The following SH2D1A variants were observed in gnomAD, a reference collection of about 807,000 sequenced individuals.
SH2D1A encodes the protein SH2 domain-containing protein 1A.
A neutral mutation model predicts 10.1 loss-of-function variants in SH2D1A; 6 were observed. The ratio of observed to expected loss-of-function variants is 0.60; its 90% CI spans 0.33 to 1.18. The LOEUF (loss-of-function observed/expected upper bound fraction) is 1.18. SH2D1A is among the 50% of genes most tolerant of loss of function. The pLI, the probability that SH2D1A is intolerant of heterozygous loss-of-function variation, is 0.04. For missense variants in SH2D1A, 51 were observed against 97.6 expected, an observed-to-expected ratio of 0.52 and a Z score of 2.01; for synonymous variants, 42 against 36.9, an observed-to-expected ratio of 1.14 and a Z score of -0.51.
intron 1 of SH2D1A, among the ~76,000 whole-genome samples, chrX:124,347,786 ATAT>A (rs1203076713): frequency 1.8e-5 from 2 of 111,429 alleles, no homozygotes; most frequent in African/African-American, 3.3e-5. Context: ...TACCAAAGAT[ATAT>A]TATTATTTTA....
At chrX:124,368,295 C>T (rs1441159314) in intron 2 of SH2D1A, among the ~76,000 whole-genome samples, 1 of 110,676 alleles carries the variant, frequency 9.0e-6, no homozygotes, top group Non-Finnish European at 1.9e-5. Context: ...GGATTGCCAC[C>T]ACACCTGGCT....
At chrX:124,367,063 T>C (rs1242894163) in intron 2 of SH2D1A, among the ~76,000 whole-genome samples, 1 of 111,310 alleles carries the variant, frequency 9.0e-6, no homozygotes, top group East Asian at 2.8e-4. Context: ...GCATTTTGAG[T>C]ATAACATCAT....
intron 1 of SH2D1A, among the ~76,000 whole-genome samples, chrX:124,350,246 TAATATATAATATATA>T: frequency 9.9e-5 from 1 of 10,138 alleles, no homozygotes; most frequent in African/African-American, 3.3e-3. Context: ...TAATATTATA[TAATATATAATATATA>T]AATATATATT....
At chrX:124,361,683 A>C (rs1366506604) in intron 1 of SH2D1A, among the ~76,000 whole-genome samples, 1 of 112,116 alleles carries the variant, frequency 8.9e-6, no homozygotes, top group African/African-American at 3.2e-5. Flanking sequence ...TATAAATGGT[A>C]AAGAACTTGA....
At position 124,350,371 on chromosome X, in the gene SH2D1A, A is replaced by C. The variant is rs1449457194; in HGVS notation, c.137+3592A>C. 1.2e-3 allele frequency among the ~76,000 whole-genome samples: 33 copies of C among 26,998 alleles called. 1 individual carries two copies. Among genetic ancestry groups the C allele is most frequent in the African/African-American group, 4.8e-3 (29 of 6,051 alleles). 23.4% of individuals were successfully genotyped at this position (26,998 alleles called of 115,157 possible). On this transcript the variant is annotated intron_variant, in intron 1 of 3. Coordinates refer to ENST00000371139, the MANE Select transcript of SH2D1A (RefSeq NM_002351.5). Reference sequence around the variant, plus strand: ...TATATATTATATATAATATTATATAATATATAATATATAAATATATATTAT... The same window carrying C: ...TATATATTATATATAATATTATATACTATATAATATATAAATATATATTAT...
rs2060056597 is a variant in SH2D1A, at chrX:124,366,877, ACACACAC to A, written c.201+1054_201+1060del. Reference sequence around the variant, plus strand: ...AGTTATGTGTAAAATATACTGACAAACACACACACACACACACACACACACACACACA... The same window carrying A: ...AGTTATGTGTAAAATATACTGACAAAACACACACACACACACACACACACA... On this transcript the variant is annotated intron_variant, in intron 2 of 3. Transcript: ENST00000371139. Among the ~76,000 whole-genome samples the A allele has an allele frequency of 4.4e-3, 101 of 22,885 alleles. 1 individual carries two copies. Among genetic ancestry groups the A allele is most frequent in the African/African-American group, 0.037 (97 of 2,643 alleles). The allele number at this position is 22,885 out of a possible 115,157, so 19.9% of individuals were successfully genotyped here.
chrX:124,371,881 G>C lies in SH2D1A; in HGVS notation c.*490G>C. 1 of 159,727 alleles carries C rather than the reference G, an allele frequency of 6.3e-6. No individual in the cohort carries two copies. 13.2% of individuals were successfully genotyped at this position (159,727 alleles called of 1,213,427 possible). Reference sequence around the variant, plus strand: ...TTTGGGATTTTTGAAGCTGTATACTGTGTGCTAAAACAAGCACTAAACAAA... The same window carrying C: ...TTTGGGATTTTTGAAGCTGTATACTCTGTGCTAAAACAAGCACTAAACAAA... On this transcript the variant is annotated 3_prime_UTR_variant, in exon 4 of 4. Transcript: ENST00000371139.
At chrX:124,359,180 C>T (rs1030993186) in intron 1 of SH2D1A, among the ~76,000 whole-genome samples, 4 of 111,279 alleles carry the variant, frequency 3.6e-5, no homozygotes, top group African/African-American at 9.8e-5. Flanking sequence ...GAAGGAGGTA[C>T]GAAGTTTTGA....
At chrX:124,348,609 C>T (rs763488613) in intron 1 of SH2D1A, among the ~76,000 whole-genome samples, 1 of 111,620 alleles carries the variant, frequency 9.0e-6, no homozygotes, top group Admixed American at 9.5e-5. Context: ...AACAAGTGCC[C>T]TCTCCCTGTC....
At chrX:124,349,110 G>T (rs1433289252) in intron 1 of SH2D1A, among the ~76,000 whole-genome samples, 1 of 112,237 alleles carries the variant, frequency 8.9e-6, no homozygotes, top group Non-Finnish European at 1.9e-5. Flanking sequence ...TTGCATAAAT[G>T]CAGTTTTTAT....
chrX:124,356,969 ATACT>A (rs1309223458), intron 1 of SH2D1A, among the ~76,000 whole-genome samples: 3 of 112,227 alleles, frequency 2.7e-5, no homozygotes, highest in African/African-American at 6.5e-5. Flanking sequence ...ATTACCTCAC[ATACT>A]TACATTTTGT....
At chrX:124,368,691 A>G (rs768507064) in intron 2 of SH2D1A, among the ~76,000 whole-genome samples, 15 of 112,271 alleles carry the variant, frequency 1.3e-4, no homozygotes, top group Admixed American at 9.4e-5. Flanking sequence ...ATATTTTCTT[A>G]TCTGTCAAAT....
At chrX:124,370,365 TTATGAG>T in intron 3 of SH2D1A, 45 bp downstream of exon 3, 2 of 1,057,250 alleles carry the variant, frequency 1.9e-6, no homozygotes, top group Non-Finnish European at 2.6e-6. Context: ...AAGCTCAGAG[TTATGAG>T]TCAACCTGTT....
In SH2D1A at chrX:124,369,012, C is replaced by T. The variant is rs565740671; in HGVS notation, c.202-1164C>T. 1.4e-4 allele frequency among the ~76,000 whole-genome samples: 15 copies of T among 110,714 alleles called. No homozygotes were observed. The South Asian group carries it at 5.8e-3, about 43-fold the overall frequency. On this transcript the variant is annotated intron_variant, in intron 2 of 3. Transcript: ENST00000371139. ...TCTACTGTGAACATATGGGGGAACACTAATATAGAGCTAAAAAGAATTTTT... is the reference window on the plus strand; with the variant it reads ...TCTACTGTGAACATATGGGGGAACATTAATATAGAGCTAAAAAGAATTTTT...
At chrX:124,364,067 A>G (rs774671105) in intron 1 of SH2D1A, among the ~76,000 whole-genome samples, 5 of 110,325 alleles carry the variant, frequency 4.5e-5, no homozygotes, top group Non-Finnish European at 7.6e-5. Flanking sequence ...TCCTACTTAT[A>G]TAAAAAAAAG....
intron 1 of SH2D1A, among the ~76,000 whole-genome samples, chrX:124,353,998 T>C (rs1184220024): frequency 8.9e-6 from 1 of 112,368 alleles, no homozygotes; most frequent in Non-Finnish European, 1.9e-5. Flanking sequence ...CTTGAAATTA[T>C]AACTTAACTT....
At chrX:124,357,144 G>A (rs1420796491) in intron 1 of SH2D1A, among the ~76,000 whole-genome samples, 2 of 111,016 alleles carry the variant, frequency 1.8e-5, no homozygotes, top group Non-Finnish European at 3.8e-5. Context: ...CACCCTGCAC[G>A]CCCCTACGAG....
At chrX:124,367,945 T>A (rs1436465699) in intron 2 of SH2D1A, among the ~76,000 whole-genome samples, 1 of 111,987 alleles carries the variant, frequency 8.9e-6, no homozygotes, top group Non-Finnish European at 1.9e-5. Context: ...CTTTACTGGG[T>A]ATATGATCAG....
At chrX:124,369,971 A>G (rs899616297) in intron 2 of SH2D1A, among the ~76,000 whole-genome samples, 1 of 111,453 alleles carries the variant, frequency 9.0e-6, no homozygotes, top group Admixed American at 9.5e-5. Context: ...AACTGAAATG[A>G]CAGCTCATTA....
Sources: allele counts gnomAD v4.1 joint callset (sites outside exome capture counted in the v4.1 genomes callset), GRCh38; gene constraint gnomAD v4.1.1; transcripts MANE v1.5; gene names NCBI Gene and HGNC (gene_info 2026-07-23, HGNC 2026-07-21).